GLI2: variants seen among roughly 807,000 people sequenced by gnomAD.
GLI2 encodes GLI family zinc finger 2, also known as transcription activator GLI2.
Under a neutral mutation model 78.9 loss-of-function variants are expected in GLI2, and 22 were observed. That is an observed-to-expected ratio of 0.28 (90% CI 0.20 to 0.40). GLI2 has a LOEUF of 0.40. Among genes scored for constraint, GLI2 ranks in the 10% least tolerant of loss-of-function variants. GLI2 has a pLI of 1.00. For missense variants in GLI2, 2,097 were observed against 2,213.2 expected (o/e 0.95, Z 1.05); for synonymous variants, 974 against 963.7 (o/e 1.01, Z -0.20).
At chr2:120,784,422 G>C (rs1457231121) in intron 1 of GLI2, among the ~76,000 whole-genome samples, 1 of 152,150 alleles carries the variant, frequency 6.6e-6, no homozygotes, top group African/African-American at 2.4e-5. Context: ...GCAAAGGCCT[G>C]ACAGGCAGTG....
chr2:120,823,828 C>T (rs1018927131), intron 2 of GLI2, among the ~76,000 whole-genome samples: 12 of 152,142 alleles, frequency 7.9e-5, no homozygotes, highest in African/African-American at 2.4e-4. Flanking sequence ...TAGGCGAAGG[C>T]GCAGTACCAT....
rs1310716395 is a variant in GLI2 at position 120,820,285 on chromosome 2, C to CTTT, written c.148+22817_148+22818insTTT. Among the ~76,000 whole-genome samples, 16 of 152,354 alleles carry CTTT rather than the reference C, an allele frequency of 1.1e-4. No individual in the cohort carries two copies. In the South Asian group the frequency reaches 1.7e-3, roughly 16 times the overall value. ...AGCCATCCCAGGCTTTGCTTTCTTG[C>CTTT]CGAGTCTAAACTCTCAGCTGTCGCC... On this transcript the variant is annotated intron_variant, in intron 2 of 13. Coordinates refer to ENST00000361492, the MANE Select transcript of GLI2 (RefSeq NM_001374353.1).
Position 120,989,682 on chromosome 2 carries a change from C to T in GLI2, c.3717C>T (p.Pro1239=). ...GCCAAGTCCACCCCCAGCTGAGCCC[C>T]AGCACCATCAGTGGGGCCCTCAACC... is the stretch of plus-strand genomic sequence containing the variant. The part of the protein sequence containing the change: ...CYGQVHPQLS[P]STISGALNQF... Residue 1239 remains proline (P), a synonymous_variant, in exon 14 of 14, where the codon CCC becomes CCT. Transcript: ENST00000361492. 1 of 1,613,410 alleles carries T rather than the reference C, an allele frequency of 6.2e-7. No individual in the cohort carries two copies. The highest frequency in any genetic ancestry group is 1.1e-5 in the South Asian group (1 of 91,088).
At chr2:120,944,890 G>GCAGCAGCCACAGAGTTAACA (rs1680633089) in intron 3 of GLI2, among the ~76,000 whole-genome samples, 1 of 152,266 alleles carries the variant, frequency 6.6e-6, no homozygotes. Context: ...CATCCCTGTG[G>GCAGCAGCCACAGAGTTAACA]CAGCAGCCAC....
chr2:120,943,098 G>A (rs78356877), intron 3 of GLI2, among the ~76,000 whole-genome samples: 41 of 152,336 alleles, frequency 2.7e-4, no homozygotes, highest in African/African-American at 9.1e-4. Context: ...GAGACAGGAG[G>A]CCTGTGAGCT....
At chr2:120,941,820 C>T (rs559220965) in intron 3 of GLI2, among the ~76,000 whole-genome samples, 17 of 152,276 alleles carry the variant, frequency 1.1e-4, no homozygotes, top group Non-Finnish European at 2.2e-4. Context: ...CCAGCGGTTC[C>T]GAGGCAGGAG....
chr2:120,782,215 C>T (rs1167591016), intron 1 of GLI2, among the ~76,000 whole-genome samples: 3 of 152,162 alleles, frequency 2.0e-5, no homozygotes, highest in Admixed American at 6.5e-5. Flanking sequence ...CTGTAGTGAA[C>T]ATCTTACATG....
chr2:120,881,672 ACGGCAGGTGGGG>A, intron 2 of GLI2, among the ~76,000 whole-genome samples: 1 of 53,242 alleles, frequency 1.9e-5, no homozygotes, highest in Non-Finnish European at 3.6e-5. Context: ...CAGTGTGGGG[ACGGCAGGTGGGG>A]GGAGGATAGT....
At chr2:120,930,024 G>T (rs904553042) in intron 3 of GLI2, among the ~76,000 whole-genome samples, 9 of 152,234 alleles carry the variant, frequency 5.9e-5, no homozygotes, top group African/African-American at 2.2e-4. Flanking sequence ...CTGGTTCCAT[G>T]ACACGGATCC....
intron 2 of GLI2, among the ~76,000 whole-genome samples, chr2:120,862,488 A>C (rs1687946450): frequency 6.6e-6 from 1 of 152,068 alleles, no homozygotes; most frequent in Admixed American, 6.5e-5. Flanking sequence ...CTGTTTCCTT[A>C]TCTGTAAAAC....
chr2:120,859,166 C>G (rs1192623130), intron 2 of GLI2, among the ~76,000 whole-genome samples: 9 of 152,226 alleles, frequency 5.9e-5, no homozygotes, highest in African/African-American at 1.9e-4. Flanking sequence ...ATCTCCAAAA[C>G]GTCTGAAAAT....
At chr2:120,767,514 G>A (rs1683399660) in intron 1 of GLI2, among the ~76,000 whole-genome samples, 1 of 152,196 alleles carries the variant, frequency 6.6e-6, no homozygotes, top group South Asian at 2.1e-4. Flanking sequence ...AAATTAAGTC[G>A]CATCTCCATC....
At chr2:120,758,696 G>A (rs80279798) in intron 1 of GLI2, among the ~76,000 whole-genome samples, 1,964 of 152,344 alleles carry the variant, frequency 0.013, 19 homozygotes, top group Middle Eastern at 0.027. Flanking sequence ...CATCCAGGAG[G>A]CTGTGAGAGC....
chr2:120,915,969 G>A (rs1170685887), intron 2 of GLI2, among the ~76,000 whole-genome samples: 1 of 152,204 alleles, frequency 6.6e-6, no homozygotes, highest in Non-Finnish European at 1.5e-5. Context: ...TGCCTAGTAG[G>A]CGCATGGACA....
At chr2:120,759,048 C>T (rs1285759266) in intron 1 of GLI2, among the ~76,000 whole-genome samples, 3 of 152,156 alleles carry the variant, frequency 2.0e-5, no homozygotes, top group African/African-American at 7.2e-5. Flanking sequence ...TTTCCTTTTG[C>T]TCATGGAGCT....
chr2:120,906,100 G>A (rs968150319), intron 2 of GLI2, among the ~76,000 whole-genome samples: 3 of 152,226 alleles, frequency 2.0e-5, no homozygotes, highest in African/African-American at 7.2e-5. Flanking sequence ...ACACCTACTT[G>A]GGGAGCTGGG....
chr2:120,865,736 A>G (rs903013027), intron 2 of GLI2, among the ~76,000 whole-genome samples: 3 of 152,110 alleles, frequency 2.0e-5, no homozygotes, highest in Admixed American at 2.0e-4. Context: ...AAGCCACCTG[A>G]CTCATCTCAA....
chr2:120,843,330 C>G (rs902704963), intron 2 of GLI2, among the ~76,000 whole-genome samples: 3 of 152,218 alleles, frequency 2.0e-5, no homozygotes, highest in African/African-American at 7.2e-5. Flanking sequence ...TACCAGGCTT[C>G]CAGCCCCGAG....
chr2:120,935,897 G>T (rs752662298), intron 3 of GLI2, among the ~76,000 whole-genome samples: 1 of 152,176 alleles, frequency 6.6e-6, no homozygotes. Flanking sequence ...CAAAGCCCTC[G>T]CACAAGAGGA....
Sources: gnomAD v4.1 joint callset for allele counts (sites outside exome capture counted in the v4.1 genomes callset) on GRCh38, gnomAD v4.1.1 for gene constraint, MANE v1.5 for transcripts, NCBI Gene and HGNC (gene_info 2026-07-23, HGNC 2026-07-21) for gene names.